Variants in AGBL2 observed in about 807,000 individuals in gnomAD.
AGBL2 encodes cytosolic carboxypeptidase 2.
AGBL2 carries 87 observed loss-of-function variants against 103.0 expected under a neutral mutation model. The ratio of observed to expected loss-of-function variants is 0.84; its 90% CI spans 0.71 to 1.01. The LOEUF (loss-of-function observed/expected upper bound fraction) is 1.01. Ranked by LOEUF, AGBL2 falls within the 50% of genes least tolerant of loss-of-function variation. The probability of loss-of-function intolerance (pLI) is 0.00; values close to 1 mark genes in which losing one functional copy is unlikely to be tolerated. For missense variants in AGBL2, 904 were observed against 1,023.5 expected (o/e 0.88, Z 1.59); for synonymous variants, 335 against 356.7 (o/e 0.94, Z 0.69).
In AGBL2 at chr11:47,665,067, T is replaced by C. The variant is rs537254395; in HGVS notation, c.2448+1889A>G. 2.0e-5 allele frequency among the ~76,000 whole-genome samples: 3 copies of C among 151,382 alleles called. No homozygotes were observed. The Admixed American group carries it at 2.0e-4, about 10-fold the overall frequency. ...CAGCTCATTTTTTTTCTTCTTTTTT[T>C]TTTTTCTAAGACAGAGTCTTGCTCT... is the stretch of plus-strand genomic sequence containing the variant. On this transcript the variant is annotated intron_variant, in intron 17 of 18. Transcript: ENST00000525123.
intron 18 of AGBL2, among the ~76,000 whole-genome samples, chr11:47,660,710 C>T (rs567986732): frequency 2.9e-5 from 2 of 69,730 alleles, no homozygotes; most frequent in South Asian, 1.5e-3. Flanking sequence ...TGCACCACCA[C>T]ACCCAGCTAA....
At chr11:47,713,952 C>T (rs1348559409) in intron 3 of AGBL2, 2 of 221,658 alleles carry the variant, frequency 9.0e-6, no homozygotes, top group Non-Finnish European at 1.8e-5. Context: ...TTCTGAAGAA[C>T]AAGGTGGGAA....
At chr11:47,660,565 T>G (rs2097325412) in intron 18 of AGBL2, among the ~76,000 whole-genome samples, 1 of 151,782 alleles carries the variant, frequency 6.6e-6, no homozygotes, top group Admixed American at 6.6e-5. Flanking sequence ...CATTTTTTTT[T>G]TTTTTTGAGA....
chr11:47,664,601 C>T (rs777460217), intron 17 of AGBL2, among the ~76,000 whole-genome samples: 5 of 151,708 alleles, frequency 3.3e-5, no homozygotes, highest in East Asian at 1.9e-4. Flanking sequence ...TTAGTAGACA[C>T]GGGGTTTCAC....
At chr11:47,688,589 T>C (rs2097433247) in intron 10 of AGBL2, among the ~76,000 whole-genome samples, 1 of 152,126 alleles carries the variant, frequency 6.6e-6, no homozygotes, top group Admixed American at 6.6e-5. Flanking sequence ...CTGGGTACTA[T>C]AGTAAATAGA....
At chr11:47,713,366 G>C (rs953679356) in intron 3 of AGBL2, among the ~76,000 whole-genome samples, 5 of 122,244 alleles carry the variant, frequency 4.1e-5, no homozygotes, top group Non-Finnish European at 3.5e-5. Context: ...AAAAAAGAAA[G>C]AAACAAAAAT....
Position 47,680,077 on chromosome 11 carries a change from GAA to G in AGBL2, c.1916-6_1916-5del, listed in dbSNP as rs377659584. 3.9e-4 allele frequency: 469 copies of G among 1,201,138 alleles called. 1 individual carries two copies. The African/African-American group carries it at 3.9e-3, about 10-fold the overall frequency. The allele number at this position is 1,201,138 out of a possible 1,614,324, so 74.4% of individuals were successfully genotyped here. ...AAGTGGGTGTCTCTTTTATTACCTGGAAAAAAAAAAAACCCCGCAAACATTTC... is the reference window on the plus strand; with the variant it reads ...AAGTGGGTGTCTCTTTTATTACCTGGAAAAAAAAAACCCCGCAAACATTTC... On this transcript the variant is annotated splice_polypyrimidine_tract_variant and splice_region_variant and intron_variant, in intron 12 of 18. Transcript: ENST00000525123.
At chr11:47,701,019 G>A (rs143001834) in intron 7 of AGBL2, among the ~76,000 whole-genome samples, 5,803 of 151,074 alleles carry the variant, frequency 0.038, 118 homozygotes, top group Middle Eastern at 0.078. Flanking sequence ...CGGTGCCACC[G>A]CACTCCAGCC....
At chr11:47,672,029 A>G (rs2097359192) in intron 14 of AGBL2, among the ~76,000 whole-genome samples, 1 of 152,116 alleles carries the variant, frequency 6.6e-6, no homozygotes. Context: ...TCTTAACCAT[A>G]TGCATCAGAG....
chr11:47,688,307 T>C (rs1056602348), intron 10 of AGBL2, among the ~76,000 whole-genome samples: 4 of 152,058 alleles, frequency 2.6e-5, no homozygotes, highest in Non-Finnish European at 1.5e-5. Flanking sequence ...TAGCCTTGCG[T>C]AAGTTGACAA....
At chr11:47,699,966 CT>C (rs956260563) in intron 7 of AGBL2, among the ~76,000 whole-genome samples, 1 of 145,852 alleles carries the variant, frequency 6.9e-6, no homozygotes, top group African/African-American at 2.5e-5. Context: ...TCTTTTCTTT[CT>C]TTTTTTTTGA....
chr11:47,666,666 A>T (rs1185206815), intron 17 of AGBL2: 1 of 552,182 alleles, frequency 1.8e-6, no homozygotes. Context: ...ACATTTGCTG[A>T]TTGAGTAGAT....
chr11:47,690,180 C>T lies in AGBL2; in HGVS notation c.1527G>A (p.Gly509=). The T allele has an allele frequency of 1.2e-6, 2 of 1,614,160 alleles. No homozygotes were observed. The highest frequency in any genetic ancestry group is 1.7e-6 in the Non-Finnish European group (2 of 1,180,030). Reference sequence around the variant, plus strand: ...TTCCGGCCAAGGAACACCGATAATTCCCCACAATCACACCATCTGGATTTA... The same window carrying T: ...TTCCGGCCAAGGAACACCGATAATTTCCCACAATCACACCATCTGGATTTA... The part of the protein sequence containing the change: ...PMLNPDGVIV[G]NYRCSLAGRD... The change falls in exon 10 of 19, where the codon GGG becomes GGA. Residue 509 remains glycine, a synonymous_variant. Coordinates refer to ENST00000525123, the MANE Select transcript of AGBL2 (RefSeq NM_024783.4).
intron 2 of AGBL2, 79 bp downstream of exon 2, chr11:47,714,539 G>A (rs2135045280): frequency 6.7e-7 from 1 of 1,483,490 alleles, no homozygotes; most frequent in Non-Finnish European, 9.4e-7. Context: ...TTCTCATCTA[G>A]TAGCAGATTT....
chr11:47,679,057 T>A (rs1215221540), intron 13 of AGBL2, among the ~76,000 whole-genome samples: 1 of 22,344 alleles, frequency 4.5e-5, no homozygotes, highest in Non-Finnish European at 6.2e-5. Context: ...AGACCCTGTC[T>A]CAAAAAAAAA....
In AGBL2 at chr11:47,671,445, G is replaced by A. The variant is rs943390670; in HGVS notation, c.2148-2538C>T. Among the ~76,000 whole-genome samples the A allele has an allele frequency of 2.0e-5, 3 of 152,236 alleles. No individual in the cohort carries two copies. In the South Asian group the frequency reaches 6.2e-4, roughly 32 times the overall value. On this transcript the variant is annotated intron_variant, in intron 14 of 18. Transcript: ENST00000525123. ...TGAGGCATGAGAATTGCTTGAACCC[G>A]GGAGGTGGAGATTGCAGTGATGCAG... is the stretch of plus-strand genomic sequence containing the variant.
intron 14 of AGBL2, among the ~76,000 whole-genome samples, chr11:47,672,926 C>T (rs1392854056): frequency 2.0e-5 from 3 of 152,112 alleles, no homozygotes; most frequent in South Asian, 2.1e-4. Context: ...GGGTCATCCA[C>T]GAGGCACTTT....
Position 47,681,995 on chromosome 11 carries a change from T to A in AGBL2, c.1889A>T (p.Glu630Val). Residue 630 changes from glutamate to valine, a missense_variant, in exon 12 of 19, where the codon GAG becomes GTG. Coordinates refer to ENST00000525123, the MANE Select transcript of AGBL2 (RefSeq NM_024783.4). ...CAGGGTGGACCCGCCAAAGGTAGAC[T>A]CCATGGTGTAGCTGTTTAGGATTCC... The part of the protein sequence containing the change: ...RMGILNSYTM[E>V]STFGGSTLGN... The A allele has an allele frequency of 1.9e-6, 3 of 1,614,084 alleles. No individual in the cohort carries two copies. The highest frequency in any genetic ancestry group is 2.5e-6 in the Non-Finnish European group (3 of 1,180,014).
chr11:47,692,349 T>C (rs1828722771), intron 8 of AGBL2, 93 bp from the exon 9 acceptor site: 9 of 857,916 alleles, frequency 1.0e-5, no homozygotes, highest in Non-Finnish European at 1.6e-5. Context: ...TCAACACTAT[T>C]CTAGACCAAC....
Sources: gnomAD v4.1 joint callset for allele counts (sites outside exome capture counted in the v4.1 genomes callset) on GRCh38, gnomAD v4.1.1 for gene constraint, MANE v1.5 for transcripts, NCBI Gene and HGNC (gene_info 2026-07-23, HGNC 2026-07-21) for gene names.